Variants in SLC25A12 observed in about 807,000 individuals in gnomAD.
SLC25A12 encodes the protein solute carrier family 25 member 12, also known as electrogenic aspartate/glutamate antiporter SLC25A12, mitochondrial.
A neutral mutation model predicts 83.3 loss-of-function variants in SLC25A12; 32 were observed. The observed-to-expected ratio is 0.38, with a 90% CI of 0.29 to 0.52. SLC25A12 has a LOEUF of 0.52. Ranked by LOEUF, SLC25A12 falls within the 20% of genes least tolerant of loss-of-function variation. The probability of loss-of-function intolerance (pLI) is 0.84; values close to 1 mark genes in which losing one functional copy is unlikely to be tolerated. For synonymous variants in SLC25A12, 267 were observed against 291.1 expected (o/e 0.92, Z 0.84); for missense variants, 611 against 835.6 (o/e 0.73, Z 3.31).
intron 8 of SLC25A12, among the ~76,000 whole-genome samples, chr2:171,831,578 T>C (rs535296121): frequency 2.6e-5 from 4 of 152,298 alleles, no homozygotes; most frequent in African/African-American, 7.2e-5. Flanking sequence ...AAGCACGTCA[T>C]AGATGGTCTG....
intron 5 of SLC25A12, among the ~76,000 whole-genome samples, chr2:171,841,833 G>A (rs748408801): frequency 2.6e-5 from 4 of 152,156 alleles, no homozygotes; most frequent in Non-Finnish European, 4.4e-5. Context: ...AACAGCAAAT[G>A]GATTCTCCAA....
intron 2 of SLC25A12, among the ~76,000 whole-genome samples, chr2:171,880,662 CAG>C (rs1285874333): frequency 6.6e-6 from 1 of 152,188 alleles, no homozygotes; most frequent in African/African-American, 2.4e-5. Context: ...TCCCATCAGC[CAG>C]AGAGTTTGCA....
At position 171,799,018 on chromosome 2, in the gene SLC25A12, CCATGCAAGCACACAGCAGCAAGGTA is replaced by C. The variant is rs1344638609; in HGVS notation, c.1306-5276_1306-5252del. On this transcript the variant is annotated intron_variant, in intron 13 of 17. Transcript: ENST00000422440. ...GAAGGGAGCTGCCTTGTCTCTCCTA[CCATGCAAGCACACAGCAGCAAGGTA>C]CATGCAAGCACACAGCAGCAAGGTA... 2.0e-3 allele frequency among the ~76,000 whole-genome samples: 301 copies of C among 152,028 alleles called. 1 individual carries two copies. In the East Asian group the frequency reaches 0.033, roughly 17 times the overall value.
intron 13 of SLC25A12, among the ~76,000 whole-genome samples, chr2:171,802,388 A>G (rs1458985654): frequency 3.3e-5 from 5 of 151,690 alleles, no homozygotes; most frequent in Non-Finnish European, 4.4e-5. Context: ...AGCACATCCA[A>G]GTTATCATAA....
At chr2:171,893,294 T>C in intron 1 of SLC25A12, 36 bp from the exon 2 acceptor site, 1 of 1,564,360 alleles carries the variant, frequency 6.4e-7, no homozygotes, top group Non-Finnish European at 8.8e-7. Context: ...CAGTTAATGC[T>C]TCACTAGAGA....
In SLC25A12 at chr2:171,868,661, A is replaced by G; in HGVS notation, c.209+20T>C. On this transcript the variant is annotated intron_variant, in intron 3 of 17. Coordinates refer to ENST00000422440, the MANE Select transcript of SLC25A12 (RefSeq NM_003705.5). ...ATATTCCAGAACATTAGTTTTCAGA[A>G]AATGCATGAAGATACTTACCCATCC... 1 of 1,611,728 alleles carries G rather than the reference A, an allele frequency of 6.2e-7. No homozygotes were observed. Among genetic ancestry groups the G allele is most frequent in the Non-Finnish European group, 8.5e-7 (1 of 1,177,874 alleles).
intron 8 of SLC25A12, among the ~76,000 whole-genome samples, chr2:171,831,394 T>C (rs1181904325): frequency 6.6e-6 from 1 of 152,162 alleles, no homozygotes; most frequent in Non-Finnish European, 1.5e-5. Flanking sequence ...ATTACTTTAG[T>C]AGGAAAGAGA....
Position 171,815,180 on chromosome 2 carries a change from GGCCT to G in SLC25A12, c.949_952del (p.Arg317LeufsTer30). The G allele has an allele frequency of 6.2e-7, 1 of 1,613,738 alleles. No individual in the cohort carries two copies. The highest frequency in any genetic ancestry group is 8.5e-7 in the Non-Finnish European group (1 of 1,179,770). ...AGACTCGGCAATCTGGAGCCAGATAGGCCTGCCTAACCCAGGAGACTGCTGCAGA... is the reference window on the plus strand; with the variant it reads ...AGACTCGGCAATCTGGAGCCAGATAGGCCTAACCCAGGAGACTGCTGCAGA... On this transcript the variant is annotated frameshift_variant, in exon 10 of 18. Coordinates refer to ENST00000422440, the MANE Select transcript of SLC25A12 (RefSeq NM_003705.5). LOFTEE classifies it high-confidence loss of function.
intron 3 of SLC25A12, among the ~76,000 whole-genome samples, chr2:171,867,663 G>A (rs988750743): frequency 7.2e-5 from 11 of 152,112 alleles, no homozygotes; most frequent in Non-Finnish European, 1.2e-4. Context: ...GAGGGAGAGC[G>A]CCTAATCTCT....
intron 13 of SLC25A12, among the ~76,000 whole-genome samples, chr2:171,802,562 G>A (rs977393867): frequency 2.0e-5 from 3 of 152,144 alleles, no homozygotes; most frequent in Non-Finnish European, 4.4e-5. Context: ...GGATCACGAG[G>A]TCAGAAGATC....
intron 2 of SLC25A12, among the ~76,000 whole-genome samples, chr2:171,887,043 T>C (rs748151263): frequency 6.6e-6 from 1 of 152,222 alleles, no homozygotes; most frequent in South Asian, 2.1e-4. Context: ...CCCTAATGTA[T>C]ATTTCAACAA....
intron 13 of SLC25A12, among the ~76,000 whole-genome samples, chr2:171,795,598 A>G (rs1197203819): frequency 6.6e-6 from 1 of 152,170 alleles, no homozygotes; most frequent in Non-Finnish European, 1.5e-5. Flanking sequence ...AATGAATAGA[A>G]CCACAAATTT....
chr2:171,789,939 T>C (rs890155910), intron 15 of SLC25A12, among the ~76,000 whole-genome samples: 20 of 151,400 alleles, frequency 1.3e-4, no homozygotes, highest in African/African-American at 4.9e-4. Context: ...AGAAAGGGGC[T>C]GCTACAAACA....
intron 5 of SLC25A12, among the ~76,000 whole-genome samples, chr2:171,837,605 T>C (rs930129534): frequency 4.6e-5 from 7 of 152,218 alleles, no homozygotes; most frequent in African/African-American, 1.7e-4. Context: ...CTTTAAAATA[T>C]ACAGTAATTT....
chr2:171,818,228 G>A (rs1194244439), intron 9 of SLC25A12, among the ~76,000 whole-genome samples: 1 of 152,072 alleles, frequency 6.6e-6, no homozygotes, highest in African/African-American at 2.4e-5. Context: ...AAAACACTCA[G>A]CACTAAGAAG....
intron 6 of SLC25A12, among the ~76,000 whole-genome samples, chr2:171,835,416 C>G (rs914158646): frequency 6.6e-6 from 1 of 152,054 alleles, no homozygotes; most frequent in Non-Finnish European, 1.5e-5. Flanking sequence ...ATGAAGGGTA[C>G]AATTATCAAA....
intron 9 of SLC25A12, among the ~76,000 whole-genome samples, chr2:171,815,475 C>T (rs1443275408): frequency 6.6e-6 from 1 of 152,154 alleles, no homozygotes; most frequent in Non-Finnish European, 1.5e-5. Context: ...TTTTACAAGC[C>T]TATTAATGCC....
At chr2:171,819,931 G>C (rs1400463852) in intron 9 of SLC25A12, among the ~76,000 whole-genome samples, 2 of 152,168 alleles carry the variant, frequency 1.3e-5, no homozygotes, top group Non-Finnish European at 2.9e-5. Flanking sequence ...GACATGGATG[G>C]AGCTGGAGGC....
chr2:171,866,861 TCC>T (rs1264820809), intron 3 of SLC25A12, among the ~76,000 whole-genome samples: 1 of 147,746 alleles, frequency 6.8e-6, no homozygotes, highest in Admixed American at 6.7e-5. Context: ...GCGGAGACGC[TCC>T]TCACTTCCCA....
Sources: allele counts gnomAD v4.1 joint callset (sites outside exome capture counted in the v4.1 genomes callset), GRCh38; gene constraint gnomAD v4.1.1; transcripts MANE v1.5; gene names NCBI Gene and HGNC (gene_info 2026-07-23, HGNC 2026-07-21).